The following ETV5 variants were observed in gnomAD, a reference collection of about 807,000 sequenced individuals.
The protein encoded by ETV5 is ETS translocation variant 5.
A neutral mutation model predicts 70.0 loss-of-function variants in ETV5; 10 were observed. The ratio of observed to expected loss-of-function variants is 0.14; its 90% confidence interval spans 0.09 to 0.24. The LOEUF is 0.24. Ranked by LOEUF, ETV5 falls within the 10% of genes least tolerant of loss-of-function variation. The pLI is 1.00. For synonymous variants in ETV5, 216 were observed against 242.2 expected (o/e 0.89, Z 1.01); for missense variants, 453 against 651.2 (o/e 0.70, Z 3.31).
chr3:186,082,393 G>A (rs1300740653), intron 5 of ETV5, among the ~76,000 whole-genome samples: 4 of 151,522 alleles, frequency 2.6e-5, no homozygotes, highest in Non-Finnish European at 5.9e-5. Flanking sequence ...GTAATTATAC[G>A]AGGTAGAACT....
At chr3:186,107,070 T>C in intron 1 of ETV5, 1 of 391,878 alleles carries the variant, frequency 2.6e-6, no homozygotes, top group Non-Finnish European at 3.5e-6. Context: ...ACACTGTGTG[T>C]AGCATATCAA....
intron 5 of ETV5, among the ~76,000 whole-genome samples, chr3:186,090,466 A>G (rs960727642): frequency 5.3e-5 from 8 of 152,268 alleles, no homozygotes; most frequent in African/African-American, 1.9e-4. Context: ...AAAATGATCA[A>G]CAAAAATAAC....
At chr3:186,097,062 C>T (rs1438288745) in intron 5 of ETV5, among the ~76,000 whole-genome samples, 1 of 152,144 alleles carries the variant, frequency 6.6e-6, no homozygotes, top group Admixed American at 6.5e-5. Flanking sequence ...TTTTGAGGCA[C>T]GTGCACCCTT....
intron 5 of ETV5, among the ~76,000 whole-genome samples, chr3:186,087,421 C>T (rs543728273): frequency 3.9e-5 from 6 of 152,178 alleles, no homozygotes; most frequent in South Asian, 2.1e-4. Flanking sequence ...ATGCTTATAC[C>T]GTTTGTAAGA....
chr3:186,065,913 G>C lies in ETV5; in HGVS notation c.810C>G (p.Leu270=), dbSNP rs1303446953. The change falls in exon 8 of 13, where the codon CTC becomes CTG. Residue 270 remains leucine (L), a synonymous_variant. Coordinates refer to ENST00000306376, the MANE Select transcript of ETV5 (RefSeq NM_004454.3). Reference sequence around the variant, plus strand: ...GCATGCCCGGGACCCCATGTTCATAGAGTGGGTCATGGTATTCTTGTTTGA... The same window carrying C: ...GCATGCCCGGGACCCCATGTTCATACAGTGGGTCATGGTATTCTTGTTTGA... The part of the protein sequence containing the change: ...QGFKQEYHDP[L]YEHGVPGMPG... 1.9e-6 allele frequency: 3 copies of C among 1,613,850 alleles called. No individual in the cohort carries two copies. The highest frequency in any genetic ancestry group is 2.5e-6 in the Non-Finnish European group (3 of 1,179,986).
rs1712880778 is a variant in ETV5 at position 186,046,533 on chromosome 3, A to G, written c.*2106T>C. On this transcript the variant is annotated 3_prime_UTR_variant, in exon 13 of 13. Transcript: ENST00000306376. ...ACAAAAACCATCCGGGAGGTGCATG[A>G]GTCCAATGGGAATGCAACCGTGATG... The G allele has an allele frequency of 4.3e-6, 1 of 232,320 alleles. No individual in the cohort carries two copies. Among genetic ancestry groups the G allele is most frequent in the Non-Finnish European group, 8.5e-6 (1 of 117,490 alleles). The allele number at this position is 232,320 out of a possible 1,614,324, so 14.4% of individuals were successfully genotyped here.
chr3:186,090,173 C>T (rs1714147966), intron 5 of ETV5, among the ~76,000 whole-genome samples: 1 of 152,202 alleles, frequency 6.6e-6, no homozygotes, highest in South Asian at 2.1e-4. Context: ...AACCTCAAAA[C>T]CATACGTCGA....
rs1712917299 is a variant in ETV5, at chr3:186,047,794, TTTTG to T, written c.*841_*844del. 4.3e-6 allele frequency: 1 copy of T among 233,166 alleles called. No individual in the cohort carries two copies. Among genetic ancestry groups the T allele is most frequent in the Admixed American group, 5.6e-5 (1 of 17,748 alleles). 14.4% of individuals were successfully genotyped at this position (233,166 alleles called of 1,614,324 possible). A position where few individuals can be genotyped will look rare whatever the true frequency, so the allele number is the denominator to read the frequency against. On this transcript the variant is annotated 3_prime_UTR_variant, in exon 13 of 13. Transcript: ENST00000306376. ...AGTTACCAAAAGGTTTGTTTTTGTTTTTTGTTTTTCGTTTTTTTGCTTTAAATAC... is the reference window on the plus strand; with the variant it reads ...AGTTACCAAAAGGTTTGTTTTTGTTTTTTTTCGTTTTTTTGCTTTAAATAC...
chr3:186,108,607 C>T (rs1056322205), intron 1 of ETV5: 1 of 1,200,014 alleles, frequency 8.3e-7, no homozygotes, highest in African/African-American at 1.6e-5. Context: ...TCTCGAATCT[C>T]CAGAGACTGT....
At chr3:186,082,218 T>A (rs951153120) in intron 5 of ETV5, among the ~76,000 whole-genome samples, 16 of 152,302 alleles carry the variant, frequency 1.1e-4, no homozygotes, top group Non-Finnish European at 1.9e-4. Flanking sequence ...CTAGCTACCT[T>A]GGAAGGTGGG....
intron 9 of ETV5, among the ~76,000 whole-genome samples, chr3:186,061,286 T>G (rs1578540426): frequency 6.6e-6 from 1 of 152,176 alleles, no homozygotes; most frequent in African/African-American, 2.4e-5. Flanking sequence ...AATTTCTGAT[T>G]TAATTGCTCT....
chr3:186,069,075 A>G (rs1401371805), intron 7 of ETV5, among the ~76,000 whole-genome samples: 2 of 152,218 alleles, frequency 1.3e-5, no homozygotes, highest in Non-Finnish European at 2.9e-5. Context: ...CTAGAACATC[A>G]AGATTTACAA....
intron 7 of ETV5, among the ~76,000 whole-genome samples, chr3:186,074,859 C>CAAAAA (rs747453303): frequency 1.2e-4 from 9 of 76,468 alleles, no homozygotes; most frequent in Admixed American, 2.9e-4. Flanking sequence ...ACTCTGTCTC[C>CAAAAA]AAAAAAAAAA....
At chr3:186,078,600 T>C (rs1034370977) in intron 7 of ETV5, among the ~76,000 whole-genome samples, 2 of 152,072 alleles carry the variant, frequency 1.3e-5, no homozygotes, top group African/African-American at 4.8e-5. Flanking sequence ...CAAGTACAGG[T>C]TGTTAGTACA....
chr3:186,096,626 A>C (rs1714309392), intron 5 of ETV5, among the ~76,000 whole-genome samples: 1 of 152,112 alleles, frequency 6.6e-6, no homozygotes, highest in Non-Finnish European at 1.5e-5. Context: ...AACTTACAGC[A>C]AGGGAAAAAA....
At chr3:186,108,767 C>A (rs1486633469) in intron 1 of ETV5, 173 bp downstream of exon 1, 16 of 661,450 alleles carry the variant, frequency 2.4e-5, no homozygotes, top group Admixed American at 4.8e-5. Context: ...GGAACCAAAC[C>A]GGACCGGGCC....
In ETV5 at chr3:186,076,497, T is replaced by C. The variant is rs994879669; in HGVS notation, c.650+3320A>G. ...GTGGACACCTGATAGATCGGCATAG[T>C]GTACTACAGAGCCCAGGACTCCCGA... is the stretch of plus-strand genomic sequence containing the variant. On this transcript the variant is annotated intron_variant, in intron 7 of 12. Coordinates refer to ENST00000306376, the MANE Select transcript of ETV5 (RefSeq NM_004454.3). The C allele has an allele frequency of 1.6e-5, 3 of 183,110 alleles. No individual in the cohort carries two copies. The East Asian group carries it at 2.7e-4, about 16-fold the overall frequency. The allele number at this position is 183,110 out of a possible 1,614,324, so 11.3% of individuals were successfully genotyped here.
intron 7 of ETV5, among the ~76,000 whole-genome samples, chr3:186,073,427 C>T (rs551821204): frequency 2.6e-5 from 4 of 152,256 alleles, no homozygotes; most frequent in South Asian, 2.1e-4. Flanking sequence ...GACGAAGAAA[C>T]GAAAGTTTGG....
At chr3:186,099,660 CAAT>C (rs1387718662) in intron 5 of ETV5, among the ~76,000 whole-genome samples, 2 of 152,248 alleles carry the variant, frequency 1.3e-5, no homozygotes, top group South Asian at 2.1e-4. Flanking sequence ...GAAATTAAAA[CAAT>C]GATACTACTA....
Sources: allele counts gnomAD v4.1 joint callset (sites outside exome capture counted in the v4.1 genomes callset), GRCh38; gene constraint gnomAD v4.1.1; transcripts MANE v1.5; gene names NCBI Gene and HGNC (gene_info 2026-07-23, HGNC 2026-07-21).